DENND4A: variants seen among roughly 807,000 people sequenced by gnomAD.
DENND4A encodes DENN domain containing 4A, also known as C-myc promoter-binding protein.
Under a neutral mutation model 199.3 loss-of-function variants are expected in DENND4A, and 70 were observed. That is an observed-to-expected ratio of 0.35 (90% CI 0.29 to 0.43). The LOEUF is 0.43. DENND4A is among the 20% of genes least tolerant of loss of function. The pLI is 1.00. For synonymous variants in DENND4A, 686 were observed against 766.9 expected (o/e 0.89, Z 1.74); for missense variants, 1,723 against 2,255.8 (o/e 0.76, Z 4.78).
chr15:65,712,386 A>G (rs1187538873), intron 14 of DENND4A, among the ~76,000 whole-genome samples: 1 of 152,118 alleles, frequency 6.6e-6, no homozygotes, highest in African/African-American at 2.4e-5. Context: ...CAGTCATAAT[A>G]TTTTCTTTTT....
chr15:65,679,181 G>A (rs368329522), intron 23 of DENND4A, among the ~76,000 whole-genome samples: 3 of 151,464 alleles, frequency 2.0e-5, no homozygotes, highest in East Asian at 2.0e-4. Flanking sequence ...TGCAACCTCC[G>A]CCCTCCACTT....
chr15:65,668,241 C>G, intron 27 of DENND4A, 118 bp from the exon 28 acceptor site: 2 of 777,420 alleles, frequency 2.6e-6, no homozygotes, highest in Non-Finnish European at 3.9e-6. Flanking sequence ...CAGAGTCTTG[C>G]TCTGTCACCC....
intron 24 of DENND4A, among the ~76,000 whole-genome samples, chr15:65,673,598 A>T (rs2076282269): frequency 6.6e-6 from 1 of 151,160 alleles, no homozygotes; most frequent in Non-Finnish European, 1.5e-5. Flanking sequence ...CAGACTAAAG[A>T]CTTGATTGCT....
At chr15:65,775,257 G>A (rs1367358018) in intron 1 of DENND4A, among the ~76,000 whole-genome samples, 1 of 151,704 alleles carries the variant, frequency 6.6e-6, no homozygotes, top group Non-Finnish European at 1.5e-5. Flanking sequence ...GAGGTGGGAG[G>A]TTTGCTTGAG....
chr15:65,683,859 A>T (rs775892578), intron 23 of DENND4A, among the ~76,000 whole-genome samples: 2 of 152,204 alleles, frequency 1.3e-5, no homozygotes, highest in Non-Finnish European at 2.9e-5. Context: ...CCCCAGTAAG[A>T]TACCTCATGC....
At chr15:65,708,322 TTAA>T (rs1426617678) in intron 14 of DENND4A, among the ~76,000 whole-genome samples, 2 of 152,208 alleles carry the variant, frequency 1.3e-5, no homozygotes, top group Admixed American at 1.3e-4. Flanking sequence ...GTTTATTTAT[TTAA>T]TAGTTCTCAC....
chr15:65,681,557 C>T (rs959094846), intron 23 of DENND4A, among the ~76,000 whole-genome samples: 13 of 151,324 alleles, frequency 8.6e-5, no homozygotes, highest in Admixed American at 7.9e-4. Flanking sequence ...TTCAACTTGA[C>T]TCCTTGACAT....
At chr15:65,727,497 C>T (rs1447709280) in intron 11 of DENND4A, among the ~76,000 whole-genome samples, 2 of 141,324 alleles carry the variant, frequency 1.4e-5, no homozygotes, top group Admixed American at 7.0e-5. Flanking sequence ...CATGGTGGTA[C>T]ACACCTGTAG....
At position 65,660,217 on chromosome 15, in the gene DENND4A, G is replaced by A; in HGVS notation, c.*1634C>T. The stretch of plus-strand genomic sequence containing the variant: ...GCCTAGCACCAGATTTTTCAAGTAA[G>A]CAAGTTCAGCCCCAAACTAACTGAA... On this transcript the variant is annotated 3_prime_UTR_variant, in exon 33 of 33. Transcript: ENST00000443035. The A allele has an allele frequency of 2.3e-6, 3 of 1,300,470 alleles. No individual in the cohort carries two copies. Among genetic ancestry groups the A allele is most frequent in the Non-Finnish European group, 3.2e-6 (3 of 933,414 alleles). 80.6% of individuals were successfully genotyped at this position (1,300,470 alleles called of 1,614,324 possible). A position where few individuals can be genotyped will look rare whatever the true frequency, so the allele number is the denominator to read the frequency against.
intron 13 of DENND4A, 59 bp downstream of exon 13, chr15:65,717,719 G>T: frequency 7.2e-7 from 1 of 1,384,368 alleles, no homozygotes; most frequent in Non-Finnish European, 9.8e-7. Context: ...GACAGCAAAT[G>T]AATCATCACA....
intron 23 of DENND4A, chr15:65,680,581 TGA>T (rs570192973): frequency 2.1e-4 from 32 of 152,296 alleles, no homozygotes; most frequent in African/African-American, 5.8e-4. Context: ...GATTTTACAT[TGA>T]GAGACATTAA....
At chr15:65,691,626 C>T in intron 22 of DENND4A, 115 bp from the exon 23 acceptor site, 5 of 1,005,048 alleles carry the variant, frequency 5.0e-6, no homozygotes, top group Non-Finnish European at 7.0e-6. Context: ...CACTGAGTGT[C>T]TGCTATTTGA....
At position 65,756,420 on chromosome 15, in the gene DENND4A, C is replaced by G; in HGVS notation, c.31G>C (p.Asp11His). The G allele has an allele frequency of 6.2e-7, 1 of 1,612,042 alleles. No homozygotes were observed. The highest frequency in any genetic ancestry group is 8.5e-7 in the Non-Finnish European group (1 of 1,179,174). The change falls in exon 3 of 33, where the codon GAC (aspartate) becomes CAC (histidine). Residue 11 changes from aspartate (D) to histidine (H), a missense_variant. This residue lies in a region of DENND4A where 725 missense variants were observed against 952.9 expected (regional missense o/e 0.76). Transcript: ENST00000443035. MIEDKGPRVA[D>H]YFVVAGLTDV... ...GTTAATCCTGCTACAACAAAGTAGT[C>G]AGCAACACGAGGCCCCTTGTCTTCA... is the stretch of plus-strand genomic sequence containing the variant.
chr15:65,751,891 G>A (rs533281838), intron 4 of DENND4A, among the ~76,000 whole-genome samples: 3 of 152,176 alleles, frequency 2.0e-5, no homozygotes, highest in African/African-American at 7.2e-5. Context: ...TTACTGTAAA[G>A]GATAATGAAA....
At position 65,690,946 on chromosome 15, in the gene DENND4A, A is replaced by G. The variant is rs765959118; in HGVS notation, c.3648T>C (p.Leu1216=). 10 of 1,602,958 alleles carry G rather than the reference A, an allele frequency of 6.2e-6. No individual in the cohort carries two copies. The East Asian group carries it at 1.8e-4, about 29-fold the overall frequency. ...GCTGCTGTTCAGTCTCAGCAACCAA[A>G]AGAGAGAGGGGATCAAATCCTGTTG... The part of the protein sequence containing the change: ...DVATGFDPLS[L]LVAETEQQQK... Residue 1216 remains leucine (L), a synonymous_variant, in exon 23 of 33, where the codon CTT becomes CTC. Transcript: ENST00000443035.
intron 24 of DENND4A, among the ~76,000 whole-genome samples, chr15:65,674,602 G>A (rs1007655155): frequency 1.8e-4 from 28 of 151,982 alleles, no homozygotes; most frequent in Admixed American, 2.6e-4. Context: ...AAAAATAGCC[G>A]GGTGTGCTGG....
chr15:65,766,624 A>G (rs959121847), intron 1 of DENND4A: 3 of 152,192 alleles, frequency 2.0e-5, no homozygotes, highest in Non-Finnish European at 2.9e-5. Flanking sequence ...TTTGGAATCC[A>G]CAGGTGGTCC....
chr15:65,751,269 G>A (rs921906900), intron 4 of DENND4A, among the ~76,000 whole-genome samples: 3 of 152,176 alleles, frequency 2.0e-5, no homozygotes, highest in African/African-American at 7.2e-5. Flanking sequence ...ACTGAATGAG[G>A]AGAAGATAAA....
chr15:65,733,741 A>C (rs2076027767), intron 7 of DENND4A, among the ~76,000 whole-genome samples: 2 of 152,314 alleles, frequency 1.3e-5, no homozygotes, highest in South Asian at 4.1e-4. Flanking sequence ...CTGTACTAAG[A>C]AAAATTCTTC....
Sources: gnomAD v4.1 joint callset for allele counts (sites outside exome capture counted in the v4.1 genomes callset) on GRCh38, gnomAD v4.1.1 for gene constraint, gnomAD v4.1.1 regional missense constraint, MANE v1.5 for transcripts, NCBI Gene and HGNC (gene_info 2026-07-23, HGNC 2026-07-21) for gene names.